CCDC178: variants seen among roughly 807,000 people sequenced by gnomAD.
CCDC178 encodes coiled-coil domain-containing protein 178.
Under a neutral mutation model 117.4 loss-of-function variants are expected in CCDC178, and 126 were observed. The observed-to-expected ratio is 1.07, with a 90% CI of 0.93 to 1.24. The LOEUF (loss-of-function observed/expected upper bound fraction) is 1.24, where lower values mean the gene tolerates loss of function less well. Among genes scored for constraint, CCDC178 ranks in the 50% most tolerant of loss-of-function variants. CCDC178 has a pLI of 0.00. For synonymous variants in CCDC178, 283 were observed against 313.4 expected, an observed-to-expected ratio of 0.90 and a Z score of 1.02; for missense variants, 1,030 against 986.9, an observed-to-expected ratio of 1.04 and a Z score of -0.59.
intron 20 of CCDC178, among the ~76,000 whole-genome samples, chr18:33,179,078 A>AAATATATATATATATATAT (rs71159804): frequency 1.8e-5 from 1 of 55,852 alleles, no homozygotes; most frequent in Non-Finnish European, 2.9e-5. Context: ...AAAAAAAAAA[A>AAATATATATATATATATAT]ATATATATAT....
chr18:33,405,006 G>T lies in CCDC178; in HGVS notation c.58+7025C>A, dbSNP rs2063761200. 2.0e-5 allele frequency among the ~76,000 whole-genome samples: 3 copies of T among 151,998 alleles called. No homozygotes were observed. In the South Asian group the frequency reaches 6.2e-4, roughly 31 times the overall value. The stretch of plus-strand genomic sequence containing the variant: ...TAGTGGTACAGGGTTTCTTTCAGTG[G>T]TTATGAAAGTGTTCTAGAAATAGAT... On this transcript the variant is annotated intron_variant, in intron 3 of 22. Coordinates refer to ENST00000383096, the MANE Select transcript of CCDC178 (RefSeq NM_001105528.4).
chr18:33,088,126 C>G (rs142391792), intron 21 of CCDC178, among the ~76,000 whole-genome samples: 2 of 151,820 alleles, frequency 1.3e-5, no homozygotes, highest in East Asian at 3.9e-4. Flanking sequence ...CTCCTGGACT[C>G]GAGATCACAA....
At chr18:33,348,230 T>A (rs1411462921) in intron 8 of CCDC178, among the ~76,000 whole-genome samples, 1 of 151,924 alleles carries the variant, frequency 6.6e-6, no homozygotes, top group Non-Finnish European at 1.5e-5. Flanking sequence ...CCTGAGTTTA[T>A]TACTTAGTTT....
chr18:33,010,188 T>G (rs1360640494), intron 21 of CCDC178, among the ~76,000 whole-genome samples: 1 of 152,164 alleles, frequency 6.6e-6, no homozygotes, highest in Non-Finnish European at 1.5e-5. Flanking sequence ...ATATGTTTGA[T>G]TTTTAGGTAT....
intron 10 of CCDC178, among the ~76,000 whole-genome samples, chr18:33,323,994 C>T (rs2062552463): frequency 6.6e-6 from 1 of 151,744 alleles, no homozygotes; most frequent in Non-Finnish European, 1.5e-5. Context: ...CTAAGAAAAA[C>T]CATTATTCTT....
At chr18:33,163,639 T>C (rs1210582733) in intron 20 of CCDC178, among the ~76,000 whole-genome samples, 1 of 152,204 alleles carries the variant, frequency 6.6e-6, no homozygotes, top group Non-Finnish European at 1.5e-5. Context: ...AACTTTGACT[T>C]TACTAAATTG....
intron 15 of CCDC178, among the ~76,000 whole-genome samples, chr18:33,242,788 T>C (rs1303514187): frequency 1.3e-5 from 2 of 151,854 alleles, no homozygotes; most frequent in East Asian, 1.9e-4. Flanking sequence ...AAAAAGAGAA[T>C]TCATATACTG....
chr18:33,281,186 T>A (rs1036392894), intron 12 of CCDC178, among the ~76,000 whole-genome samples: 1 of 151,924 alleles, frequency 6.6e-6, no homozygotes, highest in Non-Finnish European at 1.5e-5. Context: ...TCATACAGCA[T>A]CAAACGTATA....
intron 20 of CCDC178, among the ~76,000 whole-genome samples, chr18:33,137,250 T>G (rs2058140182): frequency 6.6e-6 from 1 of 152,228 alleles, no homozygotes. Flanking sequence ...GCATCTATTA[T>G]GCATTGTCAT....
At chr18:32,972,314 A>T (rs1031284682) in intron 22 of CCDC178, among the ~76,000 whole-genome samples, 16 of 152,128 alleles carry the variant, frequency 1.1e-4, no homozygotes, top group Non-Finnish European at 1.5e-4. Context: ...GGTTTGTCAA[A>T]GATCAGATGG....
intron 22 of CCDC178, among the ~76,000 whole-genome samples, chr18:32,949,132 G>A (rs559447711): frequency 3.3e-5 from 5 of 151,834 alleles, no homozygotes; most frequent in East Asian, 1.9e-4. Context: ...TTTGTTCGTC[G>A]GCACATTACA....
intron 12 of CCDC178, among the ~76,000 whole-genome samples, chr18:33,282,614 CCA>C (rs1294563693): frequency 6.6e-6 from 1 of 152,098 alleles, no homozygotes; most frequent in African/African-American, 2.4e-5. Context: ...GCCCCTGTGC[CCA>C]CACACCAGCC....
intron 20 of CCDC178, among the ~76,000 whole-genome samples, chr18:33,133,168 T>C (rs531335512): frequency 6.6e-6 from 1 of 151,848 alleles, no homozygotes; most frequent in Non-Finnish European, 1.5e-5. Context: ...TCAGATATGA[T>C]TTCATTTGAA....
chr18:33,146,673 C>A (rs868681702), intron 20 of CCDC178, among the ~76,000 whole-genome samples: 1 of 152,052 alleles, frequency 6.6e-6, no homozygotes, highest in African/African-American at 2.4e-5. Context: ...AATAAACTAT[C>A]GTTAATGAAG....
chr18:33,209,530 C>T (rs556020420), intron 20 of CCDC178, among the ~76,000 whole-genome samples: 1 of 152,140 alleles, frequency 6.6e-6, no homozygotes, highest in East Asian at 1.9e-4. Context: ...CTTTTCTTTG[C>T]AGGGATCCTT....
intron 21 of CCDC178, among the ~76,000 whole-genome samples, chr18:33,020,819 A>G (rs991085000): frequency 2.6e-5 from 4 of 152,032 alleles, no homozygotes; most frequent in Non-Finnish European, 5.9e-5. Flanking sequence ...CACGTAAGTG[A>G]ATTTTAGGTT....
At chr18:32,962,141 C>T (rs1181378443) in intron 22 of CCDC178, among the ~76,000 whole-genome samples, 1 of 151,822 alleles carries the variant, frequency 6.6e-6, no homozygotes, top group African/African-American at 2.4e-5. Context: ...ATATCATAAT[C>T]ATTTTATATT....
intron 20 of CCDC178, 45 bp from the exon 21 acceptor site, chr18:33,092,955 A>G (rs1327292344): frequency 8.7e-7 from 1 of 1,152,188 alleles, no homozygotes; most frequent in East Asian, 2.7e-5. Context: ...ATATATATAT[A>G]AACGCAATTA....
chr18:33,386,928 C>CT (rs1303028316), intron 5 of CCDC178, among the ~76,000 whole-genome samples: 1 of 152,106 alleles, frequency 6.6e-6, no homozygotes. Context: ...TTCAAATTGT[C>CT]TTTGTTTGAG....
Sources: allele counts gnomAD v4.1 joint callset (sites outside exome capture counted in the v4.1 genomes callset), GRCh38; gene constraint gnomAD v4.1.1; transcripts MANE v1.5; gene names NCBI Gene and HGNC (gene_info 2026-07-23, HGNC 2026-07-21).